The following USP34 variants were observed in gnomAD, a reference collection of about 807,000 sequenced individuals.
USP34 encodes ubiquitin carboxyl-terminal hydrolase 34.
In USP34, 70 loss-of-function variants were observed where a neutral mutation model predicts 460.3. That is an observed-to-expected ratio of 0.15 (90% confidence interval 0.13 to 0.19). USP34 has a LOEUF of 0.19. USP34 is among the 10% of genes least tolerant of loss of function. The pLI is 1.00. For synonymous variants in USP34, 1,647 were observed against 1,405.3 expected (o/e 1.17, Z -3.85); for missense variants, 3,985 against 4,236.2 (o/e 0.94, Z 1.65).
At chr2:61,342,015 G>A (rs1691619135) in intron 16 of USP34, among the ~76,000 whole-genome samples, 2 of 151,776 alleles carry the variant, frequency 1.3e-5, no homozygotes, top group South Asian at 4.1e-4. Context: ...CACCTGTCTC[G>A]GCCTCCCAAA....
At position 61,437,432 on chromosome 2, in the gene USP34, T is replaced by C. The variant is rs979750897; in HGVS notation, c.44-16599A>G. Among the ~76,000 whole-genome samples, 7 of 152,008 alleles carry C rather than the reference T, an allele frequency of 4.6e-5. No homozygotes were observed. In the East Asian group the frequency reaches 1.3e-3, roughly 29 times the overall value. On this transcript the variant is annotated intron_variant, in intron 1 of 79. Coordinates refer to ENST00000398571, the MANE Select transcript of USP34 (RefSeq NM_014709.4). The stretch of plus-strand genomic sequence containing the variant: ...AATAAATTTAAAAACCTAGAGGAAA[T>C]GAACAAATTCCTGAACACATACAAT...
At chr2:61,457,275 A>T (rs1695467882) in intron 1 of USP34, among the ~76,000 whole-genome samples, 1 of 152,200 alleles carries the variant, frequency 6.6e-6, no homozygotes, top group South Asian at 2.1e-4. Context: ...GACCTGTCAA[A>T]TAAATAAGGT....
chr2:61,332,387 G>C (rs949515016), intron 19 of USP34, among the ~76,000 whole-genome samples: 1 of 152,004 alleles, frequency 6.6e-6, no homozygotes, highest in Non-Finnish European at 1.5e-5. Flanking sequence ...CCAATCTCTT[G>C]TGGTAATGGA....
At position 61,348,377 on chromosome 2, in the gene USP34, A is replaced by C. The variant is rs755477942; in HGVS notation, c.1778T>G (p.Val593Gly). ...TGACTGGCTTGCGTGGCTAGAATTA[A>C]CCTCATTGCTAGATCCATCACTATG... Reference protein sequence around the residue: ...SGHSDGSSNEVNSSHASQSAG... With the variant: ...SGHSDGSSNEGNSSHASQSAG... The change falls in exon 15 of 80, where the codon GTT becomes GGT. Residue 593 changes from valine to glycine, a missense_variant. Physicochemically the swap from Val to Gly is moderately radical, Grantham distance 109. Transcript: ENST00000398571. 1 of 1,613,882 alleles carries C rather than the reference A, an allele frequency of 6.2e-7. No individual in the cohort carries two copies. Among genetic ancestry groups the C allele is most frequent in the Admixed American group, 1.7e-5 (1 of 60,006 alleles).
At chr2:61,407,621 G>A (rs576507602) in intron 2 of USP34, among the ~76,000 whole-genome samples, 4 of 152,332 alleles carry the variant, frequency 2.6e-5, no homozygotes, top group African/African-American at 9.6e-5. Flanking sequence ...CTTCTGTGTA[G>A]ACGGAACTCA....
At chr2:61,208,787 C>T (rs1687190825) in intron 70 of USP34, 112 bp downstream of exon 70, 2 of 629,102 alleles carry the variant, frequency 3.2e-6, no homozygotes, top group Non-Finnish European at 4.9e-6. Context: ...ATAATTAAAA[C>T]CTTGCCACCT....
chr2:61,427,829 C>T (rs1694555527), intron 1 of USP34, among the ~76,000 whole-genome samples: 2 of 151,966 alleles, frequency 1.3e-5, no homozygotes, highest in African/African-American at 2.4e-5. Flanking sequence ...TGAAGCATGC[C>T]TACGGGATCT....
At chr2:61,452,248 A>G (rs957054697) in intron 1 of USP34, among the ~76,000 whole-genome samples, 3 of 151,738 alleles carry the variant, frequency 2.0e-5, no homozygotes, top group African/African-American at 7.3e-5. Flanking sequence ...TCTAAATAAC[A>G]AAAGACTACT....
intron 10 of USP34, among the ~76,000 whole-genome samples, chr2:61,363,640 C>G (rs929528078): frequency 6.6e-6 from 1 of 152,126 alleles, no homozygotes; most frequent in Non-Finnish European, 1.5e-5. Context: ...TATAATCTTA[C>G]GGGAACACTG....
At chr2:61,448,707 G>C (rs1317527526) in intron 1 of USP34, among the ~76,000 whole-genome samples, 1 of 152,076 alleles carries the variant, frequency 6.6e-6, no homozygotes, top group Non-Finnish European at 1.5e-5. Flanking sequence ...TGAGTTCAAG[G>C]TTGCAGGATA....
chr2:61,367,515 A>C (rs1360269047), intron 10 of USP34, among the ~76,000 whole-genome samples: 1 of 152,238 alleles, frequency 6.6e-6, no homozygotes, highest in Non-Finnish European at 1.5e-5. Flanking sequence ...TGGGAAGTCA[A>C]AGAAAATACA....
chr2:61,214,975 C>A (rs539449772), intron 67 of USP34, among the ~76,000 whole-genome samples: 1 of 152,272 alleles, frequency 6.6e-6, no homozygotes, highest in South Asian at 2.1e-4. Flanking sequence ...AATTTTCCCA[C>A]TTTATCTTTT....
intron 48 of USP34, among the ~76,000 whole-genome samples, chr2:61,248,918 C>T (rs72811474): frequency 0.046 from 7,057 of 152,058 alleles, 225 homozygotes; most frequent in South Asian, 0.074. Flanking sequence ...TATGACAAAG[C>T]GAATTTAGAA....
At chr2:61,361,982 TA>T (rs1401922975) in intron 10 of USP34, among the ~76,000 whole-genome samples, 1 of 151,472 alleles carries the variant, frequency 6.6e-6, no homozygotes, top group Non-Finnish European at 1.5e-5. Context: ...AATAAATAAA[TA>T]AATAAATAAA....
At chr2:61,266,214 C>T in intron 41 of USP34, 47 bp from the exon 42 acceptor site, 1 of 1,527,986 alleles carries the variant, frequency 6.5e-7, no homozygotes, top group Non-Finnish European at 8.9e-7. Context: ...ATATTAATTA[C>T]ATTCCAAATA....
In USP34 at chr2:61,452,086, A is replaced by G. The variant is rs967457721; in HGVS notation, c.43+18564T>C. Among the ~76,000 whole-genome samples the G allele has an allele frequency of 1.4e-3, 205 of 151,324 alleles. 4 individuals are homozygous for G. The highest frequency in any genetic ancestry group is 0.013 in the Admixed American group (201 of 15,178). ...CTACTCGGGAGGCTGAGGCAGGAGA[A>G]TGGTGTGAACCCAGGAGGCGGAGCT... On this transcript the variant is annotated intron_variant, in intron 1 of 79. Coordinates refer to ENST00000398571, the MANE Select transcript of USP34 (RefSeq NM_014709.4).
intron 2 of USP34, among the ~76,000 whole-genome samples, chr2:61,411,609 T>C (rs924150409): frequency 1.3e-5 from 2 of 152,224 alleles, no homozygotes; most frequent in Admixed American, 6.5e-5. Context: ...ATCCAAACTA[T>C]GCTGATAGCT....
chr2:61,193,608 G>T (rs1439168517), intron 75 of USP34, among the ~76,000 whole-genome samples: 2 of 152,084 alleles, frequency 1.3e-5, no homozygotes, highest in Non-Finnish European at 2.9e-5. Context: ...TGTAAAATAT[G>T]TCACTAAGAT....
intron 51 of USP34, among the ~76,000 whole-genome samples, chr2:61,244,684 T>C (rs542056152): frequency 6.6e-6 from 1 of 152,176 alleles, no homozygotes; most frequent in African/African-American, 2.4e-5. Context: ...TTCTATCCAG[T>C]ATCTAGTGTT....
Sources: allele counts gnomAD v4.1 joint callset (sites outside exome capture counted in the v4.1 genomes callset), GRCh38; gene constraint gnomAD v4.1.1; transcripts MANE v1.5; gene names NCBI Gene and HGNC (gene_info 2026-07-23, HGNC 2026-07-21).